KCNQ3: variants seen among roughly 807,000 people sequenced by gnomAD.
The protein encoded by KCNQ3 is potassium voltage-gated channel subfamily Q member 3, also known as potassium voltage-gated channel subfamily KQT member 3.
KCNQ3 carries 30 observed loss-of-function variants against 92.5 expected under a neutral mutation model. The observed-to-expected ratio is 0.32, with a 90% confidence interval of 0.24 to 0.44. The LOEUF is 0.44. Ranked by LOEUF, KCNQ3 falls within the 20% of genes least tolerant of loss-of-function variation. The pLI, the probability that KCNQ3 is intolerant of heterozygous loss-of-function variation, is 1.00. For synonymous variants in KCNQ3, 450 were observed against 468.8 expected (o/e 0.96, Z 0.52); for missense variants, 913 against 1,140.3 (o/e 0.80, Z 2.87).
At chr8:132,140,893 T>C (rs1447519969) in intron 10 of KCNQ3, 1 of 555,340 alleles carries the variant, frequency 1.8e-6, no homozygotes, top group African/African-American at 1.9e-5. Flanking sequence ...GGTGACAGGT[T>C]TCCAGGCTCC....
intron 3 of KCNQ3, among the ~76,000 whole-genome samples, chr8:132,180,839 A>AAAAAAAAAAAAAAC (rs1426971638): frequency 8.2e-4 from 123 of 150,382 alleles, no homozygotes; most frequent in African/African-American, 2.3e-3. Context: ...GAATGTTAAA[A>AAAAAAAAAAAAAAC]AAAAAAAAAA....
Position 132,463,707 on chromosome 8 carries a change from A to G in KCNQ3, c.386+16440T>C, listed in dbSNP as rs573033523. 3.3e-5 allele frequency among the ~76,000 whole-genome samples: 5 copies of G among 152,348 alleles called. No individual in the cohort carries two copies. In the East Asian group the frequency reaches 7.7e-4, roughly 24 times the overall value. ...CAATGTAATTTCCTCCCTTTTATCA[A>G]AACGGCACATCAGAACTCACACTTT... On this transcript the variant is annotated intron_variant, in intron 1 of 14. Coordinates refer to ENST00000388996, the MANE Select transcript of KCNQ3 (RefSeq NM_004519.4).
intron 1 of KCNQ3, among the ~76,000 whole-genome samples, chr8:132,370,022 A>C (rs1254509642): frequency 6.6e-6 from 1 of 152,018 alleles, no homozygotes; most frequent in Non-Finnish European, 1.5e-5. Context: ...CTCATCTTTT[A>C]AGACTTGGTG....
chr8:132,317,129 T>C (rs1165175726), intron 1 of KCNQ3, among the ~76,000 whole-genome samples: 2 of 152,218 alleles, frequency 1.3e-5, no homozygotes, highest in Admixed American at 6.5e-5. Context: ...GCAATTGATA[T>C]GAAATGGTTT....
At chr8:132,472,923 C>T (rs1822327688) in intron 1 of KCNQ3, among the ~76,000 whole-genome samples, 1 of 152,044 alleles carries the variant, frequency 6.6e-6, no homozygotes, top group African/African-American at 2.4e-5. Flanking sequence ...TTTACAACAG[C>T]CTTGGGATGT....
chr8:132,267,937 T>C (rs889587106), intron 1 of KCNQ3, among the ~76,000 whole-genome samples: 1 of 152,220 alleles, frequency 6.6e-6, no homozygotes, highest in Admixed American at 6.5e-5. Context: ...TGACACATCA[T>C]TATCACTTAG....
chr8:132,168,088 T>G, intron 8 of KCNQ3, among the ~76,000 whole-genome samples: 1 of 152,224 alleles, frequency 6.6e-6, no homozygotes, highest in East Asian at 1.9e-4. Flanking sequence ...TATTGAAGAC[T>G]TGCTTCCTCT....
At chr8:132,304,745 C>A (rs6471058) in intron 1 of KCNQ3, among the ~76,000 whole-genome samples, 117,360 of 151,632 alleles carry the variant, frequency 0.77, 45,862 homozygotes, top group East Asian at 0.89. Flanking sequence ...AGACTTTTGG[C>A]TGTAAAAGTC....
intron 1 of KCNQ3, among the ~76,000 whole-genome samples, chr8:132,346,152 C>A (rs901688574): frequency 2.5e-4 from 38 of 152,090 alleles, no homozygotes; most frequent in African/African-American, 8.2e-4. Flanking sequence ...ATGCTGATGG[C>A]AGTGATGCTA....
intron 1 of KCNQ3, among the ~76,000 whole-genome samples, chr8:132,324,320 A>G (rs1035338119): frequency 3.3e-5 from 5 of 152,154 alleles, no homozygotes; most frequent in African/African-American, 1.2e-4. Flanking sequence ...AAAACTATAG[A>G]ATTATTGAGA....
chr8:132,187,827 G>GATAA (rs1408994197), intron 1 of KCNQ3, among the ~76,000 whole-genome samples: 1 of 135,964 alleles, frequency 7.4e-6, no homozygotes, highest in African/African-American at 3.2e-5. Flanking sequence ...TGGTGGTGGT[G>GATAA]GTGATTGTGG....
In KCNQ3 at chr8:132,128,737, A is replaced by C. The variant is rs1824751366; in HGVS notation, c.*525T>G. ...GTTTTAGAGACACAATGACTATCTC[A>C]TTCCTTTCCTAATGTTAGCTCAGTA... On this transcript the variant is annotated 3_prime_UTR_variant, in exon 15 of 15. Coordinates refer to ENST00000388996, the MANE Select transcript of KCNQ3 (RefSeq NM_004519.4). 1.9e-5 allele frequency: 3 copies of C among 160,340 alleles called. No homozygotes were observed. Among genetic ancestry groups the C allele is most frequent in the African/African-American group, 2.4e-5 (1 of 41,532 alleles). 9.9% of individuals were successfully genotyped at this position (160,340 alleles called of 1,614,324 possible). A position where few individuals can be genotyped will look rare whatever the true frequency, so the allele number is the denominator to read the frequency against.
intron 1 of KCNQ3, among the ~76,000 whole-genome samples, chr8:132,415,864 C>A (rs1820787352): frequency 6.6e-6 from 1 of 152,212 alleles, no homozygotes; most frequent in Non-Finnish European, 1.5e-5. Flanking sequence ...AAGAAAAGAT[C>A]TAAAAACACT....
intron 1 of KCNQ3, among the ~76,000 whole-genome samples, chr8:132,384,678 T>C (rs1819846061): frequency 6.6e-6 from 1 of 152,190 alleles, no homozygotes. Flanking sequence ...TTTTTTAATA[T>C]TTAAAAGTAA....
At chr8:132,326,519 C>T (rs922513683) in intron 1 of KCNQ3, among the ~76,000 whole-genome samples, 2 of 152,158 alleles carry the variant, frequency 1.3e-5, no homozygotes, top group African/African-American at 4.8e-5. Context: ...GAAATTTAAG[C>T]CCTAATGCAA....
intron 1 of KCNQ3, among the ~76,000 whole-genome samples, chr8:132,254,240 G>T (rs1815506411): frequency 6.6e-6 from 1 of 152,198 alleles, no homozygotes; most frequent in Non-Finnish European, 1.5e-5. Context: ...GAAAGTGCAT[G>T]TTCTCCCTAT....
intron 1 of KCNQ3, among the ~76,000 whole-genome samples, chr8:132,450,673 C>T (rs1264655892): frequency 6.6e-6 from 1 of 152,232 alleles, no homozygotes; most frequent in Non-Finnish European, 1.5e-5. Context: ...ACACCATCTC[C>T]CACAGGCAGG....
intron 1 of KCNQ3, among the ~76,000 whole-genome samples, chr8:132,386,267 G>A (rs1233639784): frequency 6.6e-6 from 1 of 151,320 alleles, no homozygotes; most frequent in Non-Finnish European, 1.5e-5. Context: ...AATAAAGTAA[G>A]GTTTCAATGG....
rs2130931523 is a variant in KCNQ3 at position 132,134,313 on chromosome 8, G to A, written c.1776C>T (p.Thr592=). The A allele has an allele frequency of 5.0e-6, 8 of 1,613,888 alleles. No homozygotes were observed. The highest frequency in any genetic ancestry group is 6.8e-6 in the Non-Finnish European group (8 of 1,179,878). ...HKKSQKGSAF[T]FPSQQSPRNE... ...ACCTGGGAGATTGCTGGGATGGGAA[G>A]GTGAATGCTGACCCTTTCTGAGACT... is the stretch of plus-strand genomic sequence containing the variant. Residue 592 remains threonine, a synonymous_variant, in exon 13 of 15, where the codon ACC becomes ACT. Coordinates refer to ENST00000388996, the MANE Select transcript of KCNQ3 (RefSeq NM_004519.4).
Sources: gnomAD v4.1 joint callset for allele counts (sites outside exome capture counted in the v4.1 genomes callset) on GRCh38, gnomAD v4.1.1 for gene constraint, MANE v1.5 for transcripts, NCBI Gene and HGNC (gene_info 2026-07-23, HGNC 2026-07-21) for gene names.